ZNF79: variants seen among roughly 807,000 people sequenced by gnomAD.
ZNF79 encodes ZNFpT7.
Under a neutral mutation model 14.9 loss-of-function variants are expected in ZNF79, and 13 were observed. That is an observed-to-expected ratio of 0.87 (90% CI 0.57 to 1.38). ZNF79 has a LOEUF of 1.38. ZNF79 is among the 40% of genes most tolerant of loss of function. The pLI, the probability that ZNF79 is intolerant of heterozygous loss-of-function variation, is 0.00. For missense variants in ZNF79, 631 were observed against 630.6 expected, an observed-to-expected ratio of 1.00 and a Z score of -0.01; for synonymous variants, 223 against 235.1, an observed-to-expected ratio of 0.95 and a Z score of 0.47.
chr9:127,428,537 A>G, intron 1 of ZNF79: 2 of 426,892 alleles, frequency 4.7e-6, no homozygotes, highest in Non-Finnish European at 6.6e-6. Context: ...AGGGTTTATC[A>G]TCCCCATTTT....
chr9:127,429,561 G>T, intron 2 of ZNF79, among the ~76,000 whole-genome samples: 1 of 149,310 alleles, frequency 6.7e-6, no homozygotes, highest in Non-Finnish European at 1.5e-5. Context: ...GAACTCCTGG[G>T]CTCAAGCTAT....
chr9:127,432,553 T>C (rs533838458), intron 2 of ZNF79, among the ~76,000 whole-genome samples: 2 of 151,850 alleles, frequency 1.3e-5, no homozygotes, highest in Admixed American at 1.3e-4. Flanking sequence ...TTAGGTATTC[T>C]AAAATTATTA....
intron 4 of ZNF79, among the ~76,000 whole-genome samples, chr9:127,439,312 C>G (rs1411982448): frequency 1.3e-5 from 2 of 152,066 alleles, no homozygotes; most frequent in African/African-American, 4.8e-5. Flanking sequence ...AGGCACACCA[C>G]TGAATTATGT....
rs557636909 is a variant in ZNF79, at chr9:127,424,653, C to T, written c.-135C>T. ...ACCGCAGGATCAGACCGTGCCTCTGCGGGGAGAGGCTGGAGAGGAAGAGTC... is the reference window on the plus strand; with the variant it reads ...ACCGCAGGATCAGACCGTGCCTCTGTGGGGAGAGGCTGGAGAGGAAGAGTC... On this transcript the variant is annotated 5_prime_UTR_variant, in exon 1 of 5. Transcript: ENST00000342483. 1.6e-5 allele frequency: 22 copies of T among 1,384,790 alleles called. No homozygotes were observed. In the East Asian group the frequency reaches 5.3e-4, roughly 34 times the overall value. The allele number at this position is 1,384,790 out of a possible 1,614,324, so 85.8% of individuals were successfully genotyped here. A position where few individuals can be genotyped will look rare whatever the true frequency, so the allele number is the denominator to read the frequency against.
intron 2 of ZNF79, among the ~76,000 whole-genome samples, chr9:127,430,621 C>T (rs1021391439): frequency 6.6e-6 from 1 of 152,196 alleles, no homozygotes; most frequent in East Asian, 1.9e-4. Context: ...ATGGCTGCAT[C>T]GTATTCCACA....
In ZNF79 at chr9:127,444,582, G is replaced by C. The variant is rs1834120993; in HGVS notation, c.882G>C (p.Gln294His). The C allele has an allele frequency of 6.2e-7, 1 of 1,613,958 alleles. No individual in the cohort carries two copies. The highest frequency in any genetic ancestry group is 2.2e-5 in the East Asian group (1 of 44,860). Reference protein sequence around the residue: ...KAFSDCSALVQHQRIHTGEKP... With the variant: ...KAFSDCSALVHHQRIHTGEKP... ...TCAGTGACTGCTCAGCTCTTGTTCA[G>C]CATCAGAGAATTCATACCGGAGAGA... The change falls in exon 5 of 5, where the codon CAG (glutamine) becomes CAC (histidine). Residue 294 changes from glutamine (Q) to histidine (H), a missense_variant. Gln to His is a conservative substitution (Grantham distance 24). Coordinates refer to ENST00000342483, the MANE Select transcript of ZNF79 (RefSeq NM_007135.3).
chr9:127,430,982 G>A (rs1254213519), intron 2 of ZNF79, among the ~76,000 whole-genome samples: 1 of 152,188 alleles, frequency 6.6e-6, no homozygotes, highest in Non-Finnish European at 1.5e-5. Flanking sequence ...TATTTCTGGT[G>A]TGAGAGAATA....
At chr9:127,435,648 G>A (rs1342373459) in intron 3 of ZNF79, among the ~76,000 whole-genome samples, 1 of 152,092 alleles carries the variant, frequency 6.6e-6, no homozygotes, top group African/African-American at 2.4e-5. Context: ...AGGCCAAGGT[G>A]GAACAGTCAC....
chr9:127,428,652 T>C lies in ZNF79; in HGVS notation c.17-180T>C, dbSNP rs562005733. 235 of 1,233,370 alleles carry C rather than the reference T, an allele frequency of 1.9e-4. No individual in the cohort carries two copies. The Admixed American group carries it at 5.0e-3, about 26-fold the overall frequency. The allele number at this position is 1,233,370 out of a possible 1,614,324, so 76.4% of individuals were successfully genotyped here. Reference sequence around the variant, plus strand: ...GTCTGTGAACACTCTAATGCCTCCCTACATCTGAGTGAGTTGATGGAATTT... The same window carrying C: ...GTCTGTGAACACTCTAATGCCTCCCCACATCTGAGTGAGTTGATGGAATTT... On this transcript the variant is annotated intron_variant, in intron 1 of 4. Transcript: ENST00000342483.
At chr9:127,427,875 C>G (rs954972382) in intron 1 of ZNF79, among the ~76,000 whole-genome samples, 1 of 152,200 alleles carries the variant, frequency 6.6e-6, no homozygotes, top group African/African-American at 2.4e-5. Context: ...AGATATCCAA[C>G]TTACCTATTT....
chr9:127,435,818 T>G, intron 3 of ZNF79, 90 bp from the exon 4 acceptor site: 2 of 989,740 alleles, frequency 2.0e-6, no homozygotes, highest in Non-Finnish European at 3.2e-6. Flanking sequence ...AAATGAACAG[T>G]CCAACTGGCC....
intron 4 of ZNF79, among the ~76,000 whole-genome samples, chr9:127,437,249 C>T (rs1170138314): frequency 6.6e-6 from 1 of 152,050 alleles, no homozygotes; most frequent in Non-Finnish European, 1.5e-5. Context: ...ATGTTACCTC[C>T]CCCTCATGGT....
At chr9:127,434,302 C>T (rs1203839043) in intron 2 of ZNF79, among the ~76,000 whole-genome samples, 1 of 152,180 alleles carries the variant, frequency 6.6e-6, no homozygotes, top group Non-Finnish European at 1.5e-5. Flanking sequence ...ACTTGTGCTA[C>T]ATTTGATTGT....
At chr9:127,426,044 A>C (rs1833746801) in intron 1 of ZNF79, among the ~76,000 whole-genome samples, 1 of 152,264 alleles carries the variant, frequency 6.6e-6, no homozygotes, top group Non-Finnish European at 1.5e-5. Flanking sequence ...AAGTGCTGTC[A>C]GGTTAGATAA....
At chr9:127,435,020 C>G (rs972277723) in intron 2 of ZNF79, 70 bp from the exon 3 acceptor site, 1 of 1,495,002 alleles carries the variant, frequency 6.7e-7, no homozygotes, top group Admixed American at 2.4e-5. Flanking sequence ...CCAAAACTGC[C>G]AACGTTAACC....
At chr9:127,436,215 C>T (rs1461047531) in intron 4 of ZNF79, among the ~76,000 whole-genome samples, 6 of 152,248 alleles carry the variant, frequency 3.9e-5, no homozygotes, top group Non-Finnish European at 8.8e-5. Flanking sequence ...CAAGCTCTGT[C>T]TGCCTCTAAA....
intron 4 of ZNF79, among the ~76,000 whole-genome samples, chr9:127,440,901 G>A (rs1167925863): frequency 6.6e-6 from 1 of 152,148 alleles, no homozygotes; most frequent in East Asian, 1.9e-4. Context: ...TAACAAAGGC[G>A]CTGGGTTAAA....
intron 1 of ZNF79, among the ~76,000 whole-genome samples, chr9:127,427,730 G>A (rs935243801): frequency 1.5e-4 from 23 of 152,182 alleles, no homozygotes; most frequent in African/African-American, 4.6e-4. Context: ...TAGAGATGGG[G>A]TTTCATTATG....
intron 2 of ZNF79, among the ~76,000 whole-genome samples, chr9:127,430,060 C>G (rs979450457): frequency 6.6e-6 from 1 of 152,168 alleles, no homozygotes; most frequent in African/African-American, 2.4e-5. Context: ...AAGTGATCTA[C>G]CCGCCTCAGC....
Sources: gnomAD v4.1 joint callset for allele counts (sites outside exome capture counted in the v4.1 genomes callset) on GRCh38, gnomAD v4.1.1 for gene constraint, MANE v1.5 for transcripts, NCBI Gene and HGNC (gene_info 2026-07-23, HGNC 2026-07-21) for gene names.